TENM3: variants seen among roughly 807,000 people sequenced by gnomAD.
The protein encoded by TENM3 is teneurin transmembrane protein 3.
A neutral mutation model predicts 255.1 loss-of-function variants in TENM3; 63 were observed. The ratio of observed to expected loss-of-function variants is 0.25; its 90% CI spans 0.20 to 0.30. The LOEUF is 0.30. Ranked by LOEUF, TENM3 falls within the 10% of genes least tolerant of loss-of-function variation. TENM3 has a pLI of 1.00. For synonymous variants in TENM3, 1,306 were observed against 1,322.3 expected (o/e 0.99, Z 0.27); for missense variants, 2,929 against 3,461.1 (o/e 0.85, Z 3.86).
At chr4:182,535,432 T>C (rs1244620904) in intron 3 of TENM3, among the ~76,000 whole-genome samples, 1 of 152,194 alleles carries the variant, frequency 6.6e-6, no homozygotes, top group African/African-American at 2.4e-5. Context: ...GAGTCTTTTT[T>C]TCATAAAGAA....
intron 1 of TENM3, among the ~76,000 whole-genome samples, chr4:182,323,309 T>G (rs1449115328): frequency 6.6e-6 from 1 of 152,116 alleles, no homozygotes; most frequent in Non-Finnish European, 1.5e-5. Context: ...AAATCCATTT[T>G]AAGCAGAATG....
the TENM3 span, among the ~76,000 whole-genome samples, chr4:182,042,813 G>A: frequency 6.6e-6 from 1 of 151,794 alleles, no homozygotes; most frequent in African/African-American, 2.4e-5. Flanking sequence ...TTTGTCACTG[G>A]TACTATTTTG....
chr4:182,558,069 A>C (rs1742754715), intron 3 of TENM3, among the ~76,000 whole-genome samples: 1 of 152,078 alleles, frequency 6.6e-6, no homozygotes, highest in African/African-American at 2.4e-5. Context: ...TGAATGCATG[A>C]AGGAAGGGTT....
rs79176598 is a variant in TENM3, at chr4:182,319,615, C to A, written c.-75-4331C>A. Among the ~76,000 whole-genome samples, 603 of 152,260 alleles carry A rather than the reference C, an allele frequency of 4.0e-3. 2 individuals are homozygous for A. Among genetic ancestry groups the A allele is most frequent in the African/African-American group, 0.013 (553 of 41,560 alleles). ...TTGATGCTAGAGATGTTTTAGAAAG[C>A]TTAAGAATACCTAAAATCATCTTTC... is the stretch of plus-strand genomic sequence containing the variant. On this transcript the variant is annotated intron_variant, in intron 1 of 27. Transcript: ENST00000511685.
At chr4:181,697,318 TG>T in the TENM3 span, among the ~76,000 whole-genome samples, 2 of 152,218 alleles carry the variant, frequency 1.3e-5, no homozygotes, top group Non-Finnish European at 2.9e-5. Flanking sequence ...GCTTTTCCTT[TG>T]AAGCCATCAG....
the TENM3 span, among the ~76,000 whole-genome samples, chr4:181,702,731 A>AT: frequency 6.6e-6 from 1 of 152,216 alleles, no homozygotes; most frequent in African/African-American, 2.4e-5. Flanking sequence ...ATTAGTCCTC[A>AT]TTGCATATAC....
chr4:182,062,716 C>T, the TENM3 span, among the ~76,000 whole-genome samples: 1 of 152,190 alleles, frequency 6.6e-6, no homozygotes, highest in East Asian at 1.9e-4. Context: ...AACGGTTTTG[C>T]ATAGACACTT....
At chr4:181,996,155 C>T in the TENM3 span, among the ~76,000 whole-genome samples, 14 of 96,544 alleles carry the variant, frequency 1.5e-4, no homozygotes, top group African/African-American at 5.2e-4. Flanking sequence ...AGGGTCGCTA[C>T]GGTTAAAAAA....
intron 3 of TENM3, among the ~76,000 whole-genome samples, chr4:182,483,308 T>G (rs1253126910): frequency 6.6e-6 from 1 of 152,190 alleles, no homozygotes; most frequent in East Asian, 1.9e-4. Flanking sequence ...TGTTTATGTT[T>G]ATGTAACAGT....
At chr4:181,760,999 C>CACACACACACACACACAT in the TENM3 span, among the ~76,000 whole-genome samples, 85 of 145,626 alleles carry the variant, frequency 5.8e-4, no homozygotes, top group African/African-American at 2.0e-3. Flanking sequence ...CACACACACA[C>CACACACACACACACACAT]ACACACACAC....
chr4:182,791,725 C>T (rs889813117), intron 25 of TENM3, among the ~76,000 whole-genome samples: 2 of 152,028 alleles, frequency 1.3e-5, no homozygotes, highest in Admixed American at 6.6e-5. Flanking sequence ...TTTTTGGTGT[C>T]GATGCTTTGT....
At position 182,161,971 on chromosome 4, in the gene TENM3, A is replaced by ATATATTTGTGTGTGTGTG. The variant is rs1751376949; in HGVS notation, c.-76+17222_-76+17223insTTGTGTGTGTGTGTATAT. 1.9e-4 allele frequency among the ~76,000 whole-genome samples: 6 copies of ATATATTTGTGTGTGTGTG among 30,774 alleles called. 1 individual carries two copies. The highest frequency in any genetic ancestry group is 9.5e-4 in the Non-Finnish European group (6 of 6,336). The allele number at this position is 30,774 out of a possible 152,430, so 20.2% of individuals were successfully genotyped here. A position where few individuals can be genotyped will look rare whatever the true frequency, so the allele number is the denominator to read the frequency against. ...TGTGTGTGTGTGTGTATATATATAT[A>ATATATTTGTGTGTGTGTG]TATATATATATATATATATATATAT... is the stretch of plus-strand genomic sequence containing the variant. On this transcript the variant is annotated intron_variant, in intron 1 of 2. Transcript: ENST00000512480.
the TENM3 span, among the ~76,000 whole-genome samples, chr4:181,986,259 C>A: frequency 2.4e-4 from 37 of 152,040 alleles, 1 homozygote; most frequent in East Asian, 9.7e-4. Flanking sequence ...ATTCATTTCT[C>A]CTCCTTCCTT....
chr4:182,216,150 C>T (rs1284069208), intron 1 of TENM3, among the ~76,000 whole-genome samples: 1 of 152,154 alleles, frequency 6.6e-6, no homozygotes, highest in African/African-American at 2.4e-5. Flanking sequence ...TTGTATTTAC[C>T]AGCCAGAAAT....
the TENM3 span, among the ~76,000 whole-genome samples, chr4:181,728,987 T>C: frequency 6.6e-6 from 1 of 152,224 alleles, no homozygotes; most frequent in African/African-American, 2.4e-5. Context: ...ATTCATTCAG[T>C]ATAACAATCA....
chr4:181,853,814 C>T, the TENM3 span, among the ~76,000 whole-genome samples: 1 of 152,202 alleles, frequency 6.6e-6, no homozygotes, highest in Non-Finnish European at 1.5e-5. Flanking sequence ...GCCCAGCATG[C>T]TGTAGTAGCC....
chr4:181,529,002 T>C, the TENM3 span, among the ~76,000 whole-genome samples: 2 of 152,236 alleles, frequency 1.3e-5, no homozygotes, highest in African/African-American at 4.8e-5. Context: ...TAGTATACTT[T>C]AAAATGTTTA....
At chr4:181,848,155 C>T in the TENM3 span, among the ~76,000 whole-genome samples, 7 of 152,148 alleles carry the variant, frequency 4.6e-5, no homozygotes, top group African/African-American at 1.7e-4. Flanking sequence ...TTTAGAATCT[C>T]ATCTTAAAAC....
chr4:182,451,214 C>T (rs1241662966), intron 3 of TENM3, among the ~76,000 whole-genome samples: 1 of 151,856 alleles, frequency 6.6e-6, no homozygotes, highest in Non-Finnish European at 1.5e-5. Context: ...CAAATAAAAT[C>T]ATACTAAATT....
Sources: gnomAD v4.1 joint callset for allele counts (sites outside exome capture counted in the v4.1 genomes callset) on GRCh38, gnomAD v4.1.1 for gene constraint, MANE v1.5 for transcripts, NCBI Gene and HGNC (gene_info 2026-07-23, HGNC 2026-07-21) for gene names.